ACAN: variants seen among roughly 807,000 people sequenced by gnomAD.
ACAN encodes aggrecan core protein.
In ACAN, 47 loss-of-function variants were observed where a neutral mutation model predicts 169.1. The ratio of observed to expected loss-of-function variants is 0.28; its 90% confidence interval spans 0.22 to 0.35. The LOEUF is 0.35. Ranked by LOEUF, ACAN falls within the 10% of genes least tolerant of loss-of-function variation. The pLI is 1.00. For synonymous variants in ACAN, 1,115 were observed against 1,112.2 expected (o/e 1.00, Z -0.05); for missense variants, 2,716 against 2,759.9 (o/e 0.98, Z 0.36).
At chr15:88,848,615 C>T (rs1164396278) in intron 9 of ACAN, among the ~76,000 whole-genome samples, 2 of 152,210 alleles carry the variant, frequency 1.3e-5, no homozygotes, top group Non-Finnish European at 2.9e-5. Flanking sequence ...TTTAACTCAG[C>T]ATTGCCCAAT....
chr15:88,856,833 A>C lies in ACAN; in HGVS notation c.4248A>C (p.Gly1416=). ...AGGAGATCAGCGGGCTTCCTTCTGG[A>C]GAAGTTCTAGAGACTACTGCCCCTG... ...GVEEISGLPS[G]EVLETTAPGV... Residue 1416 remains glycine (G), a synonymous_variant, in exon 12 of 19, where the codon GGA becomes GGC. Transcript: ENST00000560601. 6.4e-7 allele frequency: 1 copy of C among 1,566,866 alleles called. No individual in the cohort carries two copies. Among genetic ancestry groups the C allele is most frequent in the Non-Finnish European group, 8.7e-7 (1 of 1,151,828 alleles).
intron 1 of ACAN, among the ~76,000 whole-genome samples, chr15:88,823,007 C>T (rs886605345): frequency 3.3e-5 from 5 of 152,196 alleles, no homozygotes; most frequent in Non-Finnish European, 7.3e-5. Context: ...ATCTGATGGC[C>T]CTTTCTGGCA....
At chr15:88,821,933 C>T (rs778106958) in intron 1 of ACAN, among the ~76,000 whole-genome samples, 3 of 152,222 alleles carry the variant, frequency 2.0e-5, no homozygotes, top group Non-Finnish European at 2.9e-5. Context: ...GCACAAAGGG[C>T]AGGGGCCAGG....
intron 1 of ACAN, among the ~76,000 whole-genome samples, chr15:88,818,664 G>C (rs986105435): frequency 6.6e-6 from 1 of 152,204 alleles, no homozygotes; most frequent in African/African-American, 2.4e-5. Flanking sequence ...GCAGATGGTT[G>C]TGTTGGACTC....
Position 88,849,523 on chromosome 15 carries a change from CA to C in ACAN, c.1819del (p.Thr607ProfsTer44). 1 of 1,606,092 alleles carries C rather than the reference CA, an allele frequency of 6.2e-7. No homozygotes were observed. The highest frequency in any genetic ancestry group is 8.5e-7 in the Non-Finnish European group (1 of 1,176,348). On this transcript the variant is annotated frameshift_variant, in exon 10 of 19. Coordinates refer to ENST00000560601, the MANE Select transcript of ACAN (RefSeq NM_001369268.1). LOFTEE classifies it high-confidence loss of function. This position sits in a 1 kb window ranked among gnomAD's most constrained non-coding sequence, Gnocchi z 5.1. ...FCESHNATLATTGQLYAAWSR... is the reference protein window; with the variant it reads ...FCESHNATLAXTGQLYAAWSR... ...GTGAATCTCACAATGCTACGCTGGC[CA>C]CCACGGGCCAGCTCTACGCCGCCTG...
chr15:88,857,126 G>A lies in ACAN; in HGVS notation c.4541G>A (p.Gly1514Asp). The part of the protein sequence containing the change: ...EDVSELPSGE[G>D]LETSASGVED... ...GTCAGTGAACTTCCTTCAGGAGAAG[G>A]TCTAGAGACCTCTGCTTCTGGAGTA... Residue 1514 changes from glycine (G) to aspartate (D), a missense_variant, in exon 12 of 19, where the codon GGT (glycine) becomes GAT (aspartate). Physicochemically the swap from Gly to Asp is moderately conservative, Grantham distance 94. Around this residue, in one of 3 missense-constraint regions of ACAN, gnomAD observed 1,389 missense variants for 1,363.7 expected, o/e 1.02. Transcript: ENST00000560601. 1 of 1,606,436 alleles carries A rather than the reference G, an allele frequency of 6.2e-7. No homozygotes were observed.
Position 88,843,766 on chromosome 15 carries a change from C to T in ACAN, c.1051+118C>T, listed in dbSNP as rs2042331624. 1 of 1,288,416 alleles carries T rather than the reference C, an allele frequency of 7.8e-7. No homozygotes were observed. The highest frequency in any genetic ancestry group is 1.5e-5 in the African/African-American group (1 of 67,382). 79.8% of individuals were successfully genotyped at this position (1,288,416 alleles called of 1,614,324 possible). A position where few individuals can be genotyped will look rare whatever the true frequency, so the allele number is the denominator to read the frequency against. ...TGCCCTTGAAGGGGCCACGGGGTAC[C>T]TGAACCCCATGTTTTTAGGACACCC... On this transcript the variant is annotated intron_variant, in intron 6 of 18. Coordinates refer to ENST00000560601, the MANE Select transcript of ACAN (RefSeq NM_001369268.1). This position sits in a 1 kb window ranked among gnomAD's most constrained non-coding sequence, Gnocchi z 4.0.
In ACAN at chr15:88,845,731, C is replaced by T. The variant is rs963394247; in HGVS notation, c.1278C>T (p.Ala426=). The T allele has an allele frequency of 6.2e-7, 1 of 1,613,828 alleles. No individual in the cohort carries two copies. Among genetic ancestry groups the T allele is most frequent in the South Asian group, 1.1e-5 (1 of 91,036 alleles). The change falls in exon 7 of 19, where the codon GCC becomes GCT. Residue 426 remains alanine (A), a synonymous_variant. Coordinates refer to ENST00000560601, the MANE Select transcript of ACAN (RefSeq NM_001369268.1). ...EPFTFAPEIG[A]TAFAEVENET... Reference sequence around the variant, plus strand: ...TCACGTTTGCCCCTGAAATAGGGGCCACTGCCTTCGCTGAGGTTGAGAATG... The same window carrying T: ...TCACGTTTGCCCCTGAAATAGGGGCTACTGCCTTCGCTGAGGTTGAGAATG...
In ACAN at chr15:88,842,788, G is replaced by A. The variant is rs192495764; in HGVS notation, c.758-567G>A. Among the ~76,000 whole-genome samples the A allele has an allele frequency of 1.7e-3, 252 of 152,184 alleles. 1 individual carries two copies. Among genetic ancestry groups the A allele is most frequent in the Admixed American group, 0.015 (230 of 15,292 alleles). On this transcript the variant is annotated intron_variant, in intron 5 of 18. Transcript: ENST00000560601. ...CCACCCCTGTGAGTGGATGCCGTCCGCCCCCACCCTTACCCCTTACCCTTA... is the reference window on the plus strand; with the variant it reads ...CCACCCCTGTGAGTGGATGCCGTCCACCCCCACCCTTACCCCTTACCCTTA...
rs115148759 is a variant in ACAN, at chr15:88,866,221, C to T, written c.6947-1995C>T. Among the ~76,000 whole-genome samples, 983 of 152,260 alleles carry T rather than the reference C, an allele frequency of 6.5e-3. 17 individuals are homozygous for T. Among genetic ancestry groups the T allele is most frequent in the African/African-American group, 0.022 (928 of 41,552 alleles). Reference sequence around the variant, plus strand: ...GTGTCTTTCCTTTCCTGCCCTTTCTCCCATGGGCAGCCAGAGGCCCCAGGG... The same window carrying T: ...GTGTCTTTCCTTTCCTGCCCTTTCTTCCATGGGCAGCCAGAGGCCCCAGGG... On this transcript the variant is annotated intron_variant, in intron 13 of 18. Transcript: ENST00000560601. This position sits in a 1 kb window ranked among gnomAD's most constrained non-coding sequence, Gnocchi z 5.6.
chr15:88,803,719 A>T lies in ACAN; in HGVS notation c.-98A>T, dbSNP rs1895597090. 1.3e-5 allele frequency: 2 copies of T among 152,106 alleles called. No individual in the cohort carries two copies. The highest frequency in any genetic ancestry group is 6.5e-5 in the Admixed American group (1 of 15,274). 9.4% of individuals were successfully genotyped at this position (152,106 alleles called of 1,614,324 possible). The stretch of plus-strand genomic sequence containing the variant: ...AGAGCGTCTCCCTCGCTACGCAGCG[A>T]GACCCGGGCCTCCCGGCCCCAGGAG... On this transcript the variant is annotated 5_prime_UTR_variant, in exon 1 of 19. Transcript: ENST00000560601.
chr15:88,868,977 G>A lies in ACAN; in HGVS notation c.7060+648G>A, dbSNP rs1019856986. 6.6e-6 allele frequency among the ~76,000 whole-genome samples: 1 copy of A among 152,194 alleles called. No homozygotes were observed. The highest frequency in any genetic ancestry group is 2.4e-5 in the African/African-American group (1 of 41,444). ...CCTCCCTTGTGCAAGGCAAAGGGTGGCCAGAGAGAACAGAACTGTGTTACA... is the reference window on the plus strand; with the variant it reads ...CCTCCCTTGTGCAAGGCAAAGGGTGACCAGAGAGAACAGAACTGTGTTACA... On this transcript the variant is annotated intron_variant, in intron 14 of 18. Transcript: ENST00000560601. The surrounding 1 kb of genome is among the most constrained non-coding windows in gnomAD (Gnocchi z 5.2).
Position 88,841,816 on chromosome 15 carries a change from C to A in ACAN, c.706C>A (p.Arg236=). The change falls in exon 5 of 19, where the codon CGA becomes AGA. Residue 236 remains arginine (R), a synonymous_variant. Coordinates refer to ENST00000560601, the MANE Select transcript of ACAN (RefSeq NM_001369268.1). ...TCCTGGTGTGAGGACGTATGGCATC[C>A]GAGACACCAACGAGACCTATGATGT... ...EFPGVRTYGI[R]DTNETYDVYC... is the part of the protein sequence containing the mutation. 1 of 1,613,520 alleles carries A rather than the reference C, an allele frequency of 6.2e-7. No individual in the cohort carries two copies. Among genetic ancestry groups the A allele is most frequent in the Non-Finnish European group, 8.5e-7 (1 of 1,179,802 alleles).
intron 1 of ACAN, among the ~76,000 whole-genome samples, chr15:88,826,519 C>T (rs142920623): frequency 1.3e-3 from 202 of 152,042 alleles, no homozygotes; most frequent in African/African-American, 4.8e-3. Flanking sequence ...CCAGCAGGGC[C>T]CTGCCCTGTG....
Position 88,858,491 on chromosome 15 carries a change from C to T in ACAN, c.5906C>T (p.Ser1969Phe). The change falls in exon 12 of 19, where the codon TCT becomes TTT. Residue 1969 changes from serine (S) to phenylalanine (F), a missense_variant. Physicochemically the swap from Ser to Phe is radical, Grantham distance 155. This residue lies in a region of ACAN where 1,389 missense variants were observed against 1,363.7 expected (regional missense o/e 1.02). Transcript: ENST00000560601. This position sits in a 1 kb window ranked among gnomAD's most constrained non-coding sequence, Gnocchi z 4.0. Reference sequence around the variant, plus strand: ...ATTTTAGAACTCAGTGGTGCTCATTCTGGAGCACCAGACATGTCTGGGGAG... The same window carrying T: ...ATTTTAGAACTCAGTGGTGCTCATTTTGGAGCACCAGACATGTCTGGGGAG... The part of the protein sequence containing the change: ...SGILELSGAH[S>F]GAPDMSGEHS... 8 of 1,613,794 alleles carry T rather than the reference C, an allele frequency of 5.0e-6. No homozygotes were observed. Among genetic ancestry groups the T allele is most frequent in the Non-Finnish European group, 6.8e-6 (8 of 1,179,884 alleles).
intron 4 of ACAN, among the ~76,000 whole-genome samples, chr15:88,841,520 G>A (rs542181959): frequency 1.2e-4 from 19 of 152,068 alleles, no homozygotes; most frequent in Non-Finnish European, 2.6e-4. Context: ...GCCCCTGATA[G>A]AGAAAGTGTG....
At chr15:88,848,163 G>A (rs1444019317) in intron 9 of ACAN, 125 bp downstream of exon 9, 1 of 1,375,522 alleles carries the variant, frequency 7.3e-7, no homozygotes, top group Non-Finnish European at 9.8e-7. Context: ...CAGCTTTCCA[G>A]GTGGGAAAGG....
At position 88,849,481 on chromosome 15, in the gene ACAN, G is replaced by A. The variant is rs1896877961; in HGVS notation, c.1776G>A (p.Gln592=). The A allele has an allele frequency of 1.9e-6, 3 of 1,605,992 alleles. No individual in the cohort carries two copies. In the East Asian group the frequency reaches 6.7e-5, roughly 36 times the overall value. The change falls in exon 10 of 19, where the codon CAG becomes CAA. Residue 592 remains glutamine, a synonymous_variant. Transcript: ENST00000560601. The surrounding 1 kb of genome is among the most constrained non-coding windows in gnomAD (Gnocchi z 5.1). ...CACGCCTTGAGCAGTTCACCTTCCAGGAAGCACTGGAGTTCTGTGAATCTC... is the reference window on the plus strand; with the variant it reads ...CACGCCTTGAGCAGTTCACCTTCCAAGAAGCACTGGAGTTCTGTGAATCTC... The part of the protein sequence containing the change: ...FATRLEQFTF[Q]EALEFCESHN...
At chr15:88,809,155 A>G (rs917153561) in intron 1 of ACAN, among the ~76,000 whole-genome samples, 2 of 152,214 alleles carry the variant, frequency 1.3e-5, no homozygotes, top group African/African-American at 4.8e-5. Context: ...AGTCCCCACT[A>G]TGGAAAATTA....
Sources: allele counts gnomAD v4.1 joint callset (sites outside exome capture counted in the v4.1 genomes callset), GRCh38; gene constraint gnomAD v4.1.1; regional missense constraint gnomAD v4.1.1; non-coding constraint Gnocchi (gnomAD v3.1); transcripts MANE v1.5; gene names NCBI Gene and HGNC (gene_info 2026-07-23, HGNC 2026-07-21).